The following ENOX1 variants were observed in gnomAD, a reference collection of about 807,000 sequenced individuals.
ENOX1 encodes the protein candidate growth-related and time keeping constitutive hydroquinone (NADH) oxidase.
In ENOX1, 42 loss-of-function variants were observed where a neutral mutation model predicts 82.5. The observed-to-expected ratio is 0.51, with a 90% confidence interval of 0.40 to 0.66. The LOEUF (loss-of-function observed/expected upper bound fraction) is 0.66, where lower values mean the gene tolerates loss of function less well. Among genes scored for constraint, ENOX1 ranks in the 30% least tolerant of loss-of-function variants. ENOX1 has a pLI of 0.00. For missense variants in ENOX1, 608 were observed against 811.6 expected (o/e 0.75, Z 3.05); for synonymous variants, 271 against 282.2 (o/e 0.96, Z 0.40).
At chr13:43,377,106 G>A (rs2051693332) in intron 5 of ENOX1, among the ~76,000 whole-genome samples, 2 of 152,176 alleles carry the variant, frequency 1.3e-5, no homozygotes, top group Admixed American at 1.3e-4. Flanking sequence ...GCATTAAGAG[G>A]TGAGGCTTTT....
chr13:43,373,869 G>C (rs1292471672), intron 5 of ENOX1, among the ~76,000 whole-genome samples: 1 of 152,156 alleles, frequency 6.6e-6, no homozygotes, highest in East Asian at 1.9e-4. Context: ...ATCCTTTTGA[G>C]CTGAGTGCAA....
At chr13:43,531,513 T>C (rs916900840) in intron 2 of ENOX1, among the ~76,000 whole-genome samples, 33 of 150,100 alleles carry the variant, frequency 2.2e-4, no homozygotes, top group Non-Finnish European at 4.4e-4. Context: ...GAAGTCAGTG[T>C]GGCAATTCCT....
intron 2 of ENOX1, among the ~76,000 whole-genome samples, chr13:43,655,561 G>A (rs1177371705): frequency 2.0e-5 from 3 of 152,100 alleles, no homozygotes. Context: ...TTATAACACA[G>A]CAACAATCAT....
At chr13:43,463,118 A>T (rs2057564336) in intron 3 of ENOX1, among the ~76,000 whole-genome samples, 1 of 152,184 alleles carries the variant, frequency 6.6e-6, no homozygotes, top group African/African-American at 2.4e-5. Flanking sequence ...GCAAACTAGC[A>T]CTCAGATCCC....
At chr13:43,262,719 C>T (rs1346105396) in intron 14 of ENOX1, among the ~76,000 whole-genome samples, 5 of 152,090 alleles carry the variant, frequency 3.3e-5, no homozygotes, top group African/African-American at 7.2e-5. Context: ...TCAAGAGATC[C>T]GCCCACCTCG....
At chr13:43,585,999 T>C (rs931796175) in intron 2 of ENOX1, among the ~76,000 whole-genome samples, 26 of 152,240 alleles carry the variant, frequency 1.7e-4, no homozygotes, top group Non-Finnish European at 2.9e-4. Flanking sequence ...AGAATATGTA[T>C]CATCTGAAAT....
intron 14 of ENOX1, among the ~76,000 whole-genome samples, chr13:43,240,007 A>T (rs1349528318): frequency 6.6e-6 from 1 of 152,210 alleles, no homozygotes; most frequent in Non-Finnish European, 1.5e-5. Context: ...TATAAGCAAC[A>T]ACTGTACCCT....
chr13:43,633,963 A>G (rs1357050070), intron 2 of ENOX1, among the ~76,000 whole-genome samples: 1 of 152,132 alleles, frequency 6.6e-6, no homozygotes. Context: ...ATATATTTGT[A>G]TATTTTAAAT....
intron 1 of ENOX1, among the ~76,000 whole-genome samples, chr13:43,765,783 A>G (rs1951226017): frequency 6.6e-6 from 1 of 152,228 alleles, no homozygotes; most frequent in African/African-American, 2.4e-5. Context: ...GTTCGTTCAG[A>G]AATCATAGTG....
intron 1 of ENOX1, among the ~76,000 whole-genome samples, chr13:43,742,377 C>T (rs1949784490): frequency 1.3e-5 from 2 of 151,812 alleles, no homozygotes; most frequent in African/African-American, 4.8e-5. Context: ...CAGTCAAAGA[C>T]AGGAGAAAAT....
intron 1 of ENOX1, among the ~76,000 whole-genome samples, chr13:43,673,609 T>G (rs768218204): frequency 7.2e-5 from 11 of 152,240 alleles, no homozygotes; most frequent in Non-Finnish European, 1.6e-4. Flanking sequence ...GTAATGAAAT[T>G]GAGGCCTCTC....
At chr13:43,749,603 C>G (rs921859715) in intron 1 of ENOX1, among the ~76,000 whole-genome samples, 1 of 152,160 alleles carries the variant, frequency 6.6e-6, no homozygotes, top group Admixed American at 6.5e-5. Context: ...TTGCTCCTCA[C>G]GGGCAATTAG....
At chr13:43,470,471 A>G (rs758407117) in intron 3 of ENOX1, among the ~76,000 whole-genome samples, 5 of 147,412 alleles carry the variant, frequency 3.4e-5, no homozygotes, top group Non-Finnish European at 6.0e-5. Flanking sequence ...ACCATGAAAG[A>G]AAAAGAAAGC....
At chr13:43,779,157 A>G (rs1952094014) in intron 1 of ENOX1, among the ~76,000 whole-genome samples, 1 of 150,586 alleles carries the variant, frequency 6.6e-6, no homozygotes, top group South Asian at 2.1e-4. Flanking sequence ...ACCTGAGGCC[A>G]GGTCTCCCAA....
intron 12 of ENOX1, among the ~76,000 whole-genome samples, chr13:43,289,465 A>G (rs2153499995): frequency 6.6e-6 from 1 of 152,316 alleles, no homozygotes; most frequent in East Asian, 1.9e-4. Flanking sequence ...AAAACAAGCA[A>G]TGGGGAAAGG....
chr13:43,429,004 T>C (rs918398463), intron 3 of ENOX1, among the ~76,000 whole-genome samples: 10 of 152,202 alleles, frequency 6.6e-5, no homozygotes, highest in African/African-American at 2.2e-4. Context: ...TTTTTCATTC[T>C]CAGTAGAGAC....
At chr13:43,468,475 C>T (rs1002389579) in intron 3 of ENOX1, among the ~76,000 whole-genome samples, 3 of 152,010 alleles carry the variant, frequency 2.0e-5, no homozygotes, top group South Asian at 4.1e-4. Context: ...GTCACCATGG[C>T]TGCCCTATAA....
At chr13:43,539,107 A>G (rs2078598537) in intron 2 of ENOX1, among the ~76,000 whole-genome samples, 1 of 152,182 alleles carries the variant, frequency 6.6e-6, no homozygotes, top group South Asian at 2.1e-4. Flanking sequence ...ACAGGCATGA[A>G]CCACAACACC....
At chr13:43,253,313 C>T (rs2043564456) in intron 14 of ENOX1, among the ~76,000 whole-genome samples, 1 of 152,172 alleles carries the variant, frequency 6.6e-6, no homozygotes, top group East Asian at 1.9e-4. Flanking sequence ...TATCTTTGTA[C>T]CTACTTTTTT....
Sources: allele counts gnomAD v4.1 joint callset (sites outside exome capture counted in the v4.1 genomes callset), GRCh38; gene constraint gnomAD v4.1.1; transcripts MANE v1.5; gene names NCBI Gene and HGNC (gene_info 2026-07-23, HGNC 2026-07-21).